The following CLIC5 variants were observed in gnomAD, a reference collection of about 807,000 sequenced individuals.
CLIC5 encodes CLIC family member 5, also known as chloride intracellular channel protein 5.
CLIC5 carries 20 observed loss-of-function variants against 24.7 expected under a neutral mutation model. The observed-to-expected ratio is 0.81, with a 90% CI of 0.57 to 1.18. The LOEUF (loss-of-function observed/expected upper bound fraction) is 1.18, where lower values mean the gene tolerates loss of function less well. Ranked by LOEUF, CLIC5 falls within the 50% of genes most tolerant of loss-of-function variation. CLIC5 has a pLI of 0.00. For missense variants in CLIC5, 341 were observed against 326.1 expected (o/e 1.05, Z -0.35); for synonymous variants, 159 against 135.6 (o/e 1.17, Z -1.20).
At chr6:45,895,942 A>G (rs1762389762), downstream of CLIC5, among the ~76,000 whole-genome samples, 1 of 152,210 alleles carries the variant, frequency 6.6e-6, no homozygotes, top group Non-Finnish European at 1.5e-5. Context: ...GGGCATTGAG[A>G]TATTCTACTT....
chr6:45,949,506 T>A, intron 2 of CLIC5, 125 bp from the exon 3 acceptor site: 1 of 1,085,656 alleles, frequency 9.2e-7, no homozygotes, highest in South Asian at 1.5e-5. Context: ...GAAACAGATT[T>A]ATGGTATGCA....
At chr6:45,898,059 T>C (rs1762419980), downstream of CLIC5, among the ~76,000 whole-genome samples, 1 of 152,154 alleles carries the variant, frequency 6.6e-6, no homozygotes, top group African/African-American at 2.4e-5. Context: ...TTGCTTTTGA[T>C]TTTTTTGTTT....
At chr6:46,067,458 G>A (rs753194358) in intron 1 of CLIC5, among the ~76,000 whole-genome samples, 2 of 152,176 alleles carry the variant, frequency 1.3e-5, no homozygotes, top group African/African-American at 2.4e-5. Context: ...ACCACGTCTA[G>A]TTTGGCTTCT....
intron 1 of CLIC5, among the ~76,000 whole-genome samples, chr6:46,078,252 C>T (rs551666746): frequency 1.3e-5 from 2 of 152,002 alleles, no homozygotes; most frequent in South Asian, 4.2e-4. Flanking sequence ...CCCAGCTACT[C>T]GGGAGGCTGA....
chr6:45,994,632 TA>T (rs989021188), intron 1 of CLIC5, among the ~76,000 whole-genome samples: 12 of 151,870 alleles, frequency 7.9e-5, no homozygotes, highest in African/African-American at 2.9e-4. Context: ...AAAATAAAAA[TA>T]AAAAATTGGG....
chr6:45,934,842 C>T (rs2127356439), intron 4 of CLIC5, among the ~76,000 whole-genome samples: 1 of 152,220 alleles, frequency 6.6e-6, no homozygotes, highest in Non-Finnish European at 1.5e-5. Flanking sequence ...ACATGATAGA[C>T]CTGGAAGAAA....
In CLIC5 at chr6:45,901,166, C is replaced by T. The variant is rs1762501839; in HGVS notation, c.*1922G>A. 6.6e-6 allele frequency: 1 copy of T among 152,104 alleles called. No homozygotes were observed. The highest frequency in any genetic ancestry group is 1.5e-5 in the Non-Finnish European group (1 of 68,052). 9.4% of individuals were successfully genotyped at this position (152,104 alleles called of 1,614,324 possible). ...CCCAGGAGGCCAGTTTGGGGCTTTTCCCTACAGTAAAAAAGGACTCTTTCC... is the reference window on the plus strand; with the variant it reads ...CCCAGGAGGCCAGTTTGGGGCTTTTTCCTACAGTAAAAAAGGACTCTTTCC... On this transcript the variant is annotated 3_prime_UTR_variant, in exon 6 of 6. Transcript: ENST00000339561.
the CLIC5 span, among the ~76,000 whole-genome samples, chr6:46,089,208 GA>G: frequency 6.6e-6 from 1 of 152,122 alleles, no homozygotes; most frequent in Non-Finnish European, 1.5e-5. Context: ...TTGTTTAACA[GA>G]AGTCATGAAG....
chr6:46,067,385 G>A (rs1762472038), intron 1 of CLIC5, among the ~76,000 whole-genome samples: 1 of 152,100 alleles, frequency 6.6e-6, no homozygotes, highest in South Asian at 2.1e-4. Flanking sequence ...CTGATTGGAA[G>A]CCACATCCTG....
chr6:46,007,540 C>A (rs1000655980), intron 1 of CLIC5, among the ~76,000 whole-genome samples: 1 of 152,170 alleles, frequency 6.6e-6, no homozygotes, highest in Non-Finnish European at 1.5e-5. Context: ...CCTGATGGGA[C>A]CACTGGGATA....
At chr6:46,076,507 A>G (rs1327368219) in intron 1 of CLIC5, among the ~76,000 whole-genome samples, 1 of 151,844 alleles carries the variant, frequency 6.6e-6, no homozygotes, top group Non-Finnish European at 1.5e-5. Context: ...GGGCGAGAAG[A>G]GGTGATGTGA....
chr6:46,009,376 A>G (rs961741325), intron 1 of CLIC5, among the ~76,000 whole-genome samples: 3 of 152,146 alleles, frequency 2.0e-5, no homozygotes, highest in African/African-American at 7.2e-5. Context: ...GCAGGTTGTC[A>G]TTTAGCGAAC....
At chr6:46,024,472 T>C (rs1008554539) in intron 1 of CLIC5, among the ~76,000 whole-genome samples, 4 of 152,174 alleles carry the variant, frequency 2.6e-5, no homozygotes, top group African/African-American at 9.7e-5. Flanking sequence ...GGTATGTTCC[T>C]AGAGCTCTTT....
At chr6:45,988,713 A>G (rs909196038) in intron 1 of CLIC5, among the ~76,000 whole-genome samples, 1 of 152,238 alleles carries the variant, frequency 6.6e-6, no homozygotes, top group East Asian at 1.9e-4. Flanking sequence ...GTATGAAATC[A>G]CAGCATAAGC....
At chr6:46,055,529 C>T (rs974411853) in intron 1 of CLIC5, among the ~76,000 whole-genome samples, 7 of 152,218 alleles carry the variant, frequency 4.6e-5, no homozygotes, top group Non-Finnish European at 1.0e-4. Flanking sequence ...TGAGCCACCG[C>T]GCCAGGCCAT....
chr6:45,992,254 G>A (rs556574304), intron 1 of CLIC5, among the ~76,000 whole-genome samples: 9 of 152,316 alleles, frequency 5.9e-5, no homozygotes, highest in African/African-American at 1.2e-4. Flanking sequence ...TGCCCCACAC[G>A]TAGGAGATGC....
At chr6:46,062,882 C>A (rs996945905) in intron 1 of CLIC5, among the ~76,000 whole-genome samples, 1 of 152,100 alleles carries the variant, frequency 6.6e-6, no homozygotes, top group African/African-American at 2.4e-5. Context: ...TCATCAGAGG[C>A]TTGAATGGTA....
intron 1 of CLIC5, among the ~76,000 whole-genome samples, chr6:46,023,173 T>C (rs963161734): frequency 2.0e-5 from 3 of 152,204 alleles, no homozygotes; most frequent in African/African-American, 7.2e-5. Context: ...GTGGAGTTTT[T>C]ATAAAGATTC....
chr6:46,118,320 C>G, the CLIC5 span, among the ~76,000 whole-genome samples: 1 of 152,160 alleles, frequency 6.6e-6, no homozygotes, highest in Non-Finnish European at 1.5e-5. Flanking sequence ...CTCCCAGGGT[C>G]TAACACAGGG....
Sources: gnomAD v4.1 joint callset for allele counts (sites outside exome capture counted in the v4.1 genomes callset) on GRCh38, gnomAD v4.1.1 for gene constraint, MANE v1.5 for transcripts, NCBI Gene and HGNC (gene_info 2026-07-23, HGNC 2026-07-21) for gene names.